MGAT4C: variants seen among roughly 807,000 people sequenced by gnomAD.
MGAT4C encodes alpha-1,3-mannosyl-glycoprotein 4-beta-N-acetylglucosaminyltransferase C.
Under a neutral mutation model 40.1 loss-of-function variants are expected in MGAT4C, and 19 were observed. The ratio of observed to expected loss-of-function variants is 0.47; its 90% confidence interval spans 0.33 to 0.70. The LOEUF (loss-of-function observed/expected upper bound fraction) is 0.70. Ranked by LOEUF, MGAT4C falls within the 30% of genes least tolerant of loss-of-function variation. The probability of loss-of-function intolerance (pLI) is 0.02; values close to 1 mark genes in which losing one functional copy is unlikely to be tolerated. For synonymous variants in MGAT4C, 181 were observed against 187.1 expected (o/e 0.97, Z 0.27); for missense variants, 491 against 563.2 (o/e 0.87, Z 1.30).
chr12:86,304,394 C>A (rs1953885277), intron 4 of MGAT4C, among the ~76,000 whole-genome samples: 1 of 150,390 alleles, frequency 6.6e-6, no homozygotes, highest in South Asian at 2.1e-4. Flanking sequence ...TACTTTCTAT[C>A]TGATAATTTC....
chr12:86,049,724 C>G lies in MGAT4C; in HGVS notation c.-56-1G>C, dbSNP rs1289371755. 3 of 980,334 alleles carry G rather than the reference C, an allele frequency of 3.1e-6. No individual in the cohort carries two copies. The highest frequency in any genetic ancestry group is 4.7e-5 in the South Asian group (1 of 21,178). The allele number at this position is 980,334 out of a possible 1,614,324, so 60.7% of individuals were successfully genotyped here. On this transcript the variant is annotated splice_acceptor_variant, in intron 1 of 4. Coordinates refer to ENST00000611864, the MANE Select transcript of MGAT4C (RefSeq NM_001351288.2). LOFTEE classifies it low-confidence loss of function (5UTR_SPLICE). Reference sequence around the variant, plus strand: ...GTGCTGTACAGAAACCGTTGATACCCTGGAAAAAAGAAAGTCTAATATTAC... The same window carrying G: ...GTGCTGTACAGAAACCGTTGATACCGTGGAAAAAAGAAAGTCTAATATTAC...
In MGAT4C at chr12:86,414,771, A is replaced by G. The variant is rs113992380; in HGVS notation, c.-120+20386T>C. On this transcript the variant is annotated intron_variant, in intron 3 of 7. Coordinates refer to the MGAT4C transcript ENST00000548651. ...GCTGTTTCATTTTGAACCGAATGGG[A>G]AGAACTGCTTATTAATTCAAGCCAC... 5.8e-3 allele frequency among the ~76,000 whole-genome samples: 880 copies of G among 152,212 alleles called. 7 individuals carry two copies. Among genetic ancestry groups the G allele is most frequent in the African/African-American group, 0.02 (844 of 41,550 alleles).
At chr12:86,081,191 T>C (rs893610434) in intron 1 of MGAT4C, among the ~76,000 whole-genome samples, 33 of 152,244 alleles carry the variant, frequency 2.2e-4, no homozygotes, top group Non-Finnish European at 1.5e-4. Flanking sequence ...AAAAAGACAC[T>C]TGAACAGTTC....
chr12:86,792,182 C>T (rs964039111), intron 1 of MGAT4C, among the ~76,000 whole-genome samples: 1 of 152,046 alleles, frequency 6.6e-6, no homozygotes, highest in Non-Finnish European at 1.5e-5. Flanking sequence ...AGAAAAATTA[C>T]GTCAAATTTA....
At chr12:86,352,416 C>G (rs1285957931) in intron 3 of MGAT4C, among the ~76,000 whole-genome samples, 1 of 152,084 alleles carries the variant, frequency 6.6e-6, no homozygotes, top group Non-Finnish European at 1.5e-5. Flanking sequence ...CCATCATCAT[C>G]TGCTAGCACT....
intron 1 of MGAT4C, among the ~76,000 whole-genome samples, chr12:86,169,718 A>G (rs1057420538): frequency 6.6e-6 from 1 of 152,196 alleles, no homozygotes; most frequent in African/African-American, 2.4e-5. Context: ...TAGAGATAAA[A>G]TACACATCAA....
intron 2 of MGAT4C, among the ~76,000 whole-genome samples, chr12:86,033,419 T>C (rs908143901): frequency 6.7e-6 from 1 of 149,638 alleles, no homozygotes; most frequent in Non-Finnish European, 1.5e-5. Flanking sequence ...TTGTTTATAT[T>C]GTCTTTGATT....
intron 2 of MGAT4C, among the ~76,000 whole-genome samples, chr12:86,488,926 G>A (rs9705580): frequency 0.093 from 14,127 of 152,132 alleles, 895 homozygotes; most frequent in Middle Eastern, 0.24. Context: ...GACAGAGGTG[G>A]GTCCCTGGCA....
chr12:86,529,048 C>T (rs532416056), intron 2 of MGAT4C, among the ~76,000 whole-genome samples: 1 of 151,958 alleles, frequency 6.6e-6, no homozygotes, highest in South Asian at 2.1e-4. Context: ...CACAGACAAC[C>T]AGATAGGTGT....
At position 86,383,569 on chromosome 12, in the gene MGAT4C, A is replaced by C. The variant is rs1182490308; in HGVS notation, c.-119-49442T>G. Among the ~76,000 whole-genome samples the C allele has an allele frequency of 6.6e-5, 10 of 151,168 alleles. No homozygotes were observed. The South Asian group carries it at 2.1e-3, about 32-fold the overall frequency. On this transcript the variant is annotated intron_variant, in intron 3 of 7. Coordinates refer to the MGAT4C transcript ENST00000548651. ...CGTCTCAAAAAAAAAAAAAAAAAAAAAAAAAAACAGAAAGAAATATTTGAC... is the reference window on the plus strand; with the variant it reads ...CGTCTCAAAAAAAAAAAAAAAAAAACAAAAAAACAGAAAGAAATATTTGAC...
intron 2 of MGAT4C, among the ~76,000 whole-genome samples, chr12:86,648,596 G>A (rs1250824631): frequency 2.0e-5 from 3 of 151,876 alleles, no homozygotes; most frequent in African/African-American, 7.2e-5. Context: ...CAACCAGGAA[G>A]AGAGCCCTCA....
intron 1 of MGAT4C, among the ~76,000 whole-genome samples, chr12:86,730,876 ATGT>A (rs1358538072): frequency 1.3e-5 from 2 of 152,064 alleles, no homozygotes; most frequent in East Asian, 3.8e-4. Context: ...TATATAATAG[ATGT>A]TGTGCTTATT....
chr12:86,250,972 A>C (rs1372469599), intron 1 of MGAT4C, among the ~76,000 whole-genome samples: 1 of 152,048 alleles, frequency 6.6e-6, no homozygotes, highest in Non-Finnish European at 1.5e-5. Flanking sequence ...ACAGACACAT[A>C]ATACTAAGCA....
In MGAT4C at chr12:85,974,321, G is replaced by A. The variant is rs2136665127; in HGVS notation, c.*4968C>T. The A allele has an allele frequency of 6.6e-6, 1 of 150,938 alleles. No homozygotes were observed. Among genetic ancestry groups the A allele is most frequent in the Admixed American group, 6.6e-5 (1 of 15,118 alleles). 9.3% of individuals were successfully genotyped at this position (150,938 alleles called of 1,614,324 possible). On this transcript the variant is annotated 3_prime_UTR_variant, in exon 5 of 5. Transcript: ENST00000611864. The stretch of plus-strand genomic sequence containing the variant: ...GAAGAGGAACACAACCAGGAGGACA[G>A]TGTGTCAGGAAAATCCAAGAATAAG...
chr12:86,771,793 A>C (rs1025075731), intron 1 of MGAT4C, among the ~76,000 whole-genome samples: 3 of 151,962 alleles, frequency 2.0e-5, no homozygotes, highest in Admixed American at 2.0e-4. Context: ...GAAAAGAGAA[A>C]CATTACTGAA....
At chr12:86,356,548 C>T (rs996616140) in intron 3 of MGAT4C, among the ~76,000 whole-genome samples, 11 of 152,244 alleles carry the variant, frequency 7.2e-5, no homozygotes, top group Non-Finnish European at 1.2e-4. Context: ...AAGCACAAGG[C>T]GTCTGGGAAT....
At position 86,386,176 on chromosome 12, in the gene MGAT4C, C is replaced by T. The variant is rs548751338; in HGVS notation, c.-120+48981G>A. On this transcript the variant is annotated intron_variant, in intron 3 of 7. Coordinates refer to the MGAT4C transcript ENST00000548651. ...TGATCTCCTAACTTCGTGATCCACCCGCCTCGGCCTCCCAAAGTGCTGGGA... is the reference window on the plus strand; with the variant it reads ...TGATCTCCTAACTTCGTGATCCACCTGCCTCGGCCTCCCAAAGTGCTGGGA... Among the ~76,000 whole-genome samples the T allele has an allele frequency of 3.0e-4, 45 of 152,218 alleles. No homozygotes were observed. The South Asian group carries it at 4.6e-3, about 15-fold the overall frequency.
chr12:86,071,936 C>T (rs1305917214), intron 1 of MGAT4C, among the ~76,000 whole-genome samples: 2 of 151,924 alleles, frequency 1.3e-5, no homozygotes, highest in Non-Finnish European at 2.9e-5. Flanking sequence ...TAGGAAATGG[C>T]AACAAACATA....
chr12:86,285,580 G>A (rs1275476324), intron 4 of MGAT4C, among the ~76,000 whole-genome samples: 2 of 151,812 alleles, frequency 1.3e-5, no homozygotes, highest in African/African-American at 4.8e-5. Context: ...ATAGAAATGA[G>A]GGAGCAACAC....
Sources: gnomAD v4.1 joint callset for allele counts (sites outside exome capture counted in the v4.1 genomes callset) on GRCh38, gnomAD v4.1.1 for gene constraint, MANE v1.5 for transcripts, NCBI Gene and HGNC (gene_info 2026-07-23, HGNC 2026-07-21) for gene names.